The following HACE1 variants were observed in gnomAD, a reference collection of about 807,000 sequenced individuals.
HACE1 encodes the protein HECT domain and ankyrin repeat containing E3 ubiquitin protein ligase 1.
A neutral mutation model predicts 118.4 loss-of-function variants in HACE1; 73 were observed. The ratio of observed to expected loss-of-function variants is 0.62; its 90% CI spans 0.51 to 0.75. The LOEUF (loss-of-function observed/expected upper bound fraction) is 0.75, where lower values mean the gene tolerates loss of function less well. Among genes scored for constraint, HACE1 ranks in the 30% least tolerant of loss-of-function variants. The probability of loss-of-function intolerance (pLI) is 0.00; values close to 1 mark genes in which losing one functional copy is unlikely to be tolerated. For synonymous variants in HACE1, 368 were observed against 374.8 expected (o/e 0.98, Z 0.21); for missense variants, 749 against 1,102.2 (o/e 0.68, Z 4.54).
intron 6 of HACE1, among the ~76,000 whole-genome samples, chr6:104,819,323 C>T (rs1462440656): frequency 6.6e-6 from 1 of 152,076 alleles, no homozygotes; most frequent in Non-Finnish European, 1.5e-5. Context: ...AGGAATACAA[C>T]TAAGTAGGGA....
At chr6:104,852,051 C>T (rs908863157) in intron 2 of HACE1, among the ~76,000 whole-genome samples, 4 of 152,170 alleles carry the variant, frequency 2.6e-5, no homozygotes, top group African/African-American at 9.7e-5. Flanking sequence ...CAACCAAATA[C>T]TTAGTATTTC....
chr6:104,846,433 G>T (rs1208548119), intron 4 of HACE1, among the ~76,000 whole-genome samples: 1 of 152,066 alleles, frequency 6.6e-6, no homozygotes, highest in Non-Finnish European at 1.5e-5. Flanking sequence ...CCTGTACAAG[G>T]AAGCAACTAT....
chr6:104,849,189 A>G lies in HACE1; in HGVS notation c.279T>C (p.Tyr93=). 1 of 1,611,390 alleles carries G rather than the reference A, an allele frequency of 6.2e-7. No individual in the cohort carries two copies. The highest frequency in any genetic ancestry group is 8.5e-7 in the Non-Finnish European group (1 of 1,177,556). The change falls in exon 4 of 24, where the codon TAT becomes TAC. Residue 93 remains tyrosine (Y), a synonymous_variant. Coordinates refer to ENST00000262903, the MANE Select transcript of HACE1 (RefSeq NM_020771.4). The part of the protein sequence containing the change: ...LLLKKGANPN[Y]QDISGCTPLH... ...GGGGTGTACAGCCTGAAATATCTTG[A>G]TAGTTAGGATTTGCTCCTTTCTTTA...
intron 4 of HACE1, among the ~76,000 whole-genome samples, chr6:104,845,539 A>G (rs1775577896): frequency 6.9e-6 from 1 of 145,784 alleles, no homozygotes; most frequent in Non-Finnish European, 1.5e-5. Context: ...GTACAGTGGC[A>G]CGATCTCGGC....
At chr6:104,796,352 C>T (rs1052778589) in intron 9 of HACE1, among the ~76,000 whole-genome samples, 4 of 152,094 alleles carry the variant, frequency 2.6e-5, no homozygotes, top group African/African-American at 9.7e-5. Flanking sequence ...TCAAGCAATC[C>T]ACCCACCTCA....
chr6:104,832,321 AAAATC>A (rs1774082129), intron 6 of HACE1, among the ~76,000 whole-genome samples: 1 of 152,244 alleles, frequency 6.6e-6, no homozygotes, highest in African/African-American at 2.4e-5. Context: ...AATTAGAAAT[AAAATC>A]AAAATGCAAA....
intron 5 of HACE1, among the ~76,000 whole-genome samples, chr6:104,839,188 T>C (rs1228704459): frequency 6.6e-6 from 1 of 152,158 alleles, no homozygotes; most frequent in African/African-American, 2.4e-5. Flanking sequence ...GGAAAACAAC[T>C]GCATTCCTGG....
intron 6 of HACE1, among the ~76,000 whole-genome samples, chr6:104,818,270 C>T (rs1772320969): frequency 6.6e-6 from 1 of 152,064 alleles, no homozygotes; most frequent in South Asian, 2.1e-4. Flanking sequence ...AGAAGGACTA[C>T]GTGGGCCTTC....
At chr6:104,807,688 G>A (rs555424466) in intron 7 of HACE1, among the ~76,000 whole-genome samples, 1 of 152,176 alleles carries the variant, frequency 6.6e-6, no homozygotes, top group South Asian at 2.1e-4. Flanking sequence ...TTAAAGGTGT[G>A]TAAAGATGGC....
At chr6:104,732,356 ATTTAGCC>A (rs888035129) in intron 22 of HACE1, 3 of 152,204 alleles carry the variant, frequency 2.0e-5, no homozygotes, top group African/African-American at 7.2e-5. Context: ...AGGGAGTATT[ATTTAGCC>A]TTAAAAAGGA....
chr6:104,736,710 A>G lies in HACE1; in HGVS notation c.2514-6294T>C, dbSNP rs981743162. ...AAAAACAATATATTAAATTATTTCC[A>G]TATTATCATAAAAATACTGCTTACT... On this transcript the variant is annotated intron_variant, in intron 22 of 23. Coordinates refer to ENST00000262903, the MANE Select transcript of HACE1 (RefSeq NM_020771.4). Among the ~76,000 whole-genome samples, 3 of 152,190 alleles carry G rather than the reference A, an allele frequency of 2.0e-5. No individual in the cohort carries two copies. The South Asian group carries it at 6.2e-4, about 32-fold the overall frequency.
rs137941861 is a variant in HACE1 at position 104,785,184 on chromosome 6, A to C, written c.1210T>G (p.Ser404Ala). 3.7e-6 allele frequency: 6 copies of C among 1,613,916 alleles called. No individual in the cohort carries two copies. The African/African-American group carries it at 8.0e-5, about 22-fold the overall frequency. The change falls in exon 12 of 24, where the codon TCC becomes GCC. Residue 404 changes from serine to alanine, a missense_variant. Coordinates refer to ENST00000262903, the MANE Select transcript of HACE1 (RefSeq NM_020771.4). ...CCTGGAGGTTCAAATGGAGGAATGGAAGCAGCATCTTGATCTTGGCCTTTT... is the reference window on the plus strand; with the variant it reads ...CCTGGAGGTTCAAATGGAGGAATGGCAGCAGCATCTTGATCTTGGCCTTTT... Reference protein sequence around the residue: ...KQKGQDQDAASIPPFEPPGPG... With the variant: ...KQKGQDQDAAAIPPFEPPGPG...
rs566663965 is a variant in HACE1 at position 104,792,792 on chromosome 6, T to A, written c.924-1138A>T. ...GGCATAAGTATTTCTTGTGATTAGG[T>A]ACATCTGAAGCCTGTTAGCAATAAT... On this transcript the variant is annotated intron_variant, in intron 10 of 23. Transcript: ENST00000262903. Among the ~76,000 whole-genome samples the A allele has an allele frequency of 1.4e-4, 21 of 152,246 alleles. No individual in the cohort carries two copies. In the East Asian group the frequency reaches 4.1e-3, roughly 29 times the overall value.
At chr6:104,773,608 C>T (rs1582400027) in intron 17 of HACE1, among the ~76,000 whole-genome samples, 1 of 151,996 alleles carries the variant, frequency 6.6e-6, no homozygotes, top group East Asian at 1.9e-4. Flanking sequence ...TGAGAATAAT[C>T]ACAAATATTT....
At chr6:104,822,095 G>A (rs779437952) in intron 6 of HACE1, among the ~76,000 whole-genome samples, 14 of 151,122 alleles carry the variant, frequency 9.3e-5, no homozygotes, top group African/African-American at 2.4e-4. Context: ...TGGGCCGGGC[G>A]CGGTGGCTCA....
intron 5 of HACE1, among the ~76,000 whole-genome samples, chr6:104,839,599 T>C (rs765715029): frequency 1.4e-4 from 21 of 152,204 alleles, no homozygotes; most frequent in Non-Finnish European, 2.6e-4. Flanking sequence ...ATATTGACTA[T>C]GGTGGTGAAA....
In HACE1 at chr6:104,729,503, GA is replaced by G; in HGVS notation, c.*158del. The G allele has an allele frequency of 1.5e-6, 1 of 645,246 alleles. No individual in the cohort carries two copies. The highest frequency in any genetic ancestry group is 2.8e-6 in the Non-Finnish European group (1 of 358,278). The allele number at this position is 645,246 out of a possible 1,614,324, so 40.0% of individuals were successfully genotyped here. A position where few individuals can be genotyped will look rare whatever the true frequency, so the allele number is the denominator to read the frequency against. The stretch of plus-strand genomic sequence containing the variant: ...TCACAAACAGAGAAAACATAAAAGG[GA>G]AAAGAGAGAAACAGAAAACCTGATG... On this transcript the variant is annotated 3_prime_UTR_variant, in exon 24 of 24. Transcript: ENST00000262903.
chr6:104,750,570 T>C (rs1777935691), intron 19 of HACE1, 98 bp from the exon 20 acceptor site: 2 of 1,119,814 alleles, frequency 1.8e-6, no homozygotes, highest in Non-Finnish European at 2.6e-6. Context: ...AGGTTTAAAA[T>C]AAAATTGACA....
chr6:104,744,395 A>G (rs1397873849), intron 21 of HACE1, 117 bp downstream of exon 21: 1 of 813,590 alleles, frequency 1.2e-6, no homozygotes, highest in Non-Finnish European at 2.2e-6. Context: ...CACAAGAATA[A>G]TTTGGGTAAA....
Sources: allele counts gnomAD v4.1 joint callset (sites outside exome capture counted in the v4.1 genomes callset), GRCh38; gene constraint gnomAD v4.1.1; transcripts MANE v1.5; gene names NCBI Gene and HGNC (gene_info 2026-07-23, HGNC 2026-07-21).